MCC: variants seen among roughly 807,000 people sequenced by gnomAD.
The protein encoded by MCC is colorectal mutant cancer protein.
A neutral mutation model predicts 116.2 loss-of-function variants in MCC; 90 were observed. That is an observed-to-expected ratio of 0.77 (90% confidence interval 0.65 to 0.92). The LOEUF (loss-of-function observed/expected upper bound fraction) is 0.92. Ranked by LOEUF, MCC falls within the 40% of genes least tolerant of loss-of-function variation. The pLI is 0.00. For missense variants in MCC, 1,516 were observed against 1,312.2 expected (o/e 1.16, Z -2.40); for synonymous variants, 578 against 510.5 (o/e 1.13, Z -1.78).
At chr5:113,141,866 C>A (rs989215956) in intron 5 of MCC, among the ~76,000 whole-genome samples, 1 of 152,136 alleles carries the variant, frequency 6.6e-6, no homozygotes, top group Non-Finnish European at 1.5e-5. Context: ...ACTTACTGAG[C>A]CCATTTGCTT....
chr5:113,418,953 A>G (rs1770238739), intron 1 of MCC, among the ~76,000 whole-genome samples: 1 of 152,134 alleles, frequency 6.6e-6, no homozygotes, highest in African/African-American at 2.4e-5. Context: ...CCAAAGAGGG[A>G]TGCGTACTTG....
At chr5:113,248,235 T>TAAAAA (rs10574369) in intron 3 of MCC, among the ~76,000 whole-genome samples, 2 of 133,554 alleles carry the variant, frequency 1.5e-5, no homozygotes, top group South Asian at 4.9e-4. Context: ...TGTATCTATT[T>TAAAAA]AAAAAAAAAA....
intron 1 of MCC, among the ~76,000 whole-genome samples, chr5:113,450,870 G>C (rs866309111): frequency 3.4e-4 from 51 of 152,112 alleles, no homozygotes; most frequent in African/African-American, 1.2e-3. Context: ...TTCTGGAAGA[G>C]GACTCTTAGC....
At chr5:113,142,980 G>C (rs1759267224) in intron 5 of MCC, among the ~76,000 whole-genome samples, 1 of 152,124 alleles carries the variant, frequency 6.6e-6, no homozygotes, top group South Asian at 2.1e-4. Context: ...TACTTTCCAG[G>C]GCTACTGTAA....
chr5:113,475,446 A>T (rs915378421), intron 1 of MCC, among the ~76,000 whole-genome samples: 1 of 152,202 alleles, frequency 6.6e-6, no homozygotes, highest in African/African-American at 2.4e-5. Context: ...GAGTCCTTCT[A>T]CCTACCCATC....
intron 15 of MCC, among the ~76,000 whole-genome samples, chr5:113,053,059 A>C (rs545192622): frequency 6.6e-6 from 1 of 152,348 alleles, no homozygotes; most frequent in Admixed American, 6.5e-5. Flanking sequence ...CCACACCAGA[A>C]ACAGGCAAAG....
rs944116977 is a variant in MCC, at chr5:113,023,753, TCTTGA to T, written c.*3544_*3548del. ...AGAGATGTTTATTTTTTAATAGTCA[TCTTGA>T]TATGTTATCACTTTAAAGCTTGATA... is the stretch of plus-strand genomic sequence containing the variant. On this transcript the variant is annotated 3_prime_UTR_variant, in exon 19 of 19. Transcript: ENST00000408903. The T allele has an allele frequency of 1.3e-5, 2 of 152,220 alleles. No homozygotes were observed. Among genetic ancestry groups the T allele is most frequent in the African/African-American group, 4.8e-5 (2 of 41,454 alleles). 9.4% of individuals were successfully genotyped at this position (152,220 alleles called of 1,614,324 possible).
intron 3 of MCC, among the ~76,000 whole-genome samples, chr5:113,176,283 A>T (rs1258256798): frequency 6.6e-6 from 1 of 152,214 alleles, no homozygotes; most frequent in Non-Finnish European, 1.5e-5. Flanking sequence ...GCCCCTAAGG[A>T]CTGTATTAAC....
rs1335934591 is a variant in MCC at position 113,487,196 on chromosome 5, C to CT, written c.170+1048dup. On this transcript the variant is annotated intron_variant, in intron 1 of 18. Coordinates refer to ENST00000408903, the MANE Select transcript of MCC (RefSeq NM_001085377.2). ...AGGGAAAAATTCCGCACTTTGCTTT[C>CT]TTTTTTTTTTTTTTAGGTAGGCAGG... 4.2e-3 allele frequency among the ~76,000 whole-genome samples: 585 copies of CT among 139,586 alleles called. 6 individuals are homozygous for CT. The highest frequency in any genetic ancestry group is 0.01 in the African/African-American group (396 of 38,308). The allele number at this position is 139,586 out of a possible 152,430, so 91.6% of individuals were successfully genotyped here.
chr5:113,440,630 G>T (rs188750671), intron 1 of MCC, among the ~76,000 whole-genome samples: 1 of 152,174 alleles, frequency 6.6e-6, no homozygotes, highest in East Asian at 1.9e-4. Context: ...AGAGAAGAGG[G>T]AAGGAATAAG....
chr5:113,071,233 G>A lies in MCC; in HGVS notation c.1786C>T (p.Arg596Trp), dbSNP rs1228302491. Reference sequence around the variant, plus strand: ...TTTTGGGATTTGAGGTGCTCAATCCGGCTACAAAGGAACAAAAATCAGATT... The same window carrying A: ...TTTTGGGATTTGAGGTGCTCAATCCAGCTACAAAGGAACAAAAATCAGATT... ...FEVETERLNS[R>W]IEHLKSQNDL... Residue 596 changes from arginine (R) to tryptophan (W), a missense_variant and splice_region_variant, in exon 12 of 19, where the codon CGG becomes TGG. By Grantham distance (101) the Arg-to-Trp change is moderately radical (BLOSUM62 -3). Transcript: ENST00000408903. 2.5e-6 allele frequency: 4 copies of A among 1,612,614 alleles called. No homozygotes were observed. Among genetic ancestry groups the A allele is most frequent in the South Asian group, 1.1e-5 (1 of 90,636 alleles).
At chr5:113,453,121 A>T (rs1235536718) in intron 1 of MCC, among the ~76,000 whole-genome samples, 2 of 152,222 alleles carry the variant, frequency 1.3e-5, no homozygotes, top group African/African-American at 4.8e-5. Flanking sequence ...CTGTCTCAGC[A>T]GTCTTATTGA....
At chr5:113,341,771 G>T (rs1768019879) in intron 2 of MCC, among the ~76,000 whole-genome samples, 1 of 152,200 alleles carries the variant, frequency 6.6e-6, no homozygotes, top group South Asian at 2.1e-4. Context: ...ATCACTTGCA[G>T]AAGAGGTGTC....
At chr5:113,074,012 G>C (rs1049686847) in intron 11 of MCC, among the ~76,000 whole-genome samples, 2 of 152,236 alleles carry the variant, frequency 1.3e-5, no homozygotes, top group African/African-American at 4.8e-5. Flanking sequence ...GTCCCTGTCT[G>C]ACAGCTATGA....
At chr5:113,155,264 C>G (rs544943040) in intron 3 of MCC, among the ~76,000 whole-genome samples, 1 of 152,216 alleles carries the variant, frequency 6.6e-6, no homozygotes, top group Non-Finnish European at 1.5e-5. Flanking sequence ...ATGTACCACA[C>G]TCTGTATATC....
At chr5:113,306,162 A>C (rs1766980015) in intron 3 of MCC, among the ~76,000 whole-genome samples, 1 of 152,210 alleles carries the variant, frequency 6.6e-6, no homozygotes, top group Non-Finnish European at 1.5e-5. Context: ...CAATTGATGA[A>C]TATTTTTGTT....
At chr5:113,138,378 G>A (rs2150282851) in intron 5 of MCC, among the ~76,000 whole-genome samples, 1 of 152,278 alleles carries the variant, frequency 6.6e-6, no homozygotes, top group East Asian at 1.9e-4. Context: ...GGGCCTTTGG[G>A]AGGTAATTAG....
intron 2 of MCC, among the ~76,000 whole-genome samples, chr5:113,382,699 G>T (rs568005576): frequency 5.9e-5 from 9 of 152,262 alleles, no homozygotes; most frequent in Middle Eastern, 3.4e-3. Flanking sequence ...GTGGGGCATT[G>T]CTTTATGGAC....
chr5:113,361,872 A>T (rs1053166040), intron 2 of MCC, among the ~76,000 whole-genome samples: 1 of 152,196 alleles, frequency 6.6e-6, no homozygotes, highest in African/African-American at 2.4e-5. Context: ...GACTTCCACC[A>T]GCAACCCCTC....
Sources: allele counts gnomAD v4.1 joint callset (sites outside exome capture counted in the v4.1 genomes callset), GRCh38; gene constraint gnomAD v4.1.1; transcripts MANE v1.5; gene names NCBI Gene and HGNC (gene_info 2026-07-23, HGNC 2026-07-21).